MDH1B: variants seen among roughly 807,000 people sequenced by gnomAD.
The protein encoded by MDH1B is malate dehydrogenase 1B, also known as putative malate dehydrogenase 1B.
MDH1B carries 60 observed loss-of-function variants against 61.4 expected under a neutral mutation model. The ratio of observed to expected loss-of-function variants is 0.98; its 90% CI spans 0.79 to 1.21. The LOEUF (loss-of-function observed/expected upper bound fraction) is 1.21, where lower values mean the gene tolerates loss of function less well. MDH1B is among the 50% of genes most tolerant of loss of function. The probability of loss-of-function intolerance (pLI) is 0.00; values close to 1 mark genes in which losing one functional copy is unlikely to be tolerated. For synonymous variants in MDH1B, 236 were observed against 218.7 expected (o/e 1.08, Z -0.70); for missense variants, 587 against 632.1 (o/e 0.93, Z 0.76).
At chr2:206,749,281 T>A in intron 6 of MDH1B, 98 bp from the exon 7 acceptor site, 1 of 959,882 alleles carries the variant, frequency 1.0e-6, no homozygotes, top group South Asian at 1.8e-5. Context: ...AGAAACCTAA[T>A]CCACAGTCAA....
intron 9 of MDH1B, among the ~76,000 whole-genome samples, chr2:206,743,939 C>T (rs1687950016): frequency 6.6e-6 from 1 of 152,118 alleles, no homozygotes; most frequent in Non-Finnish European, 1.5e-5. Context: ...TGTATGCACT[C>T]CCCCTCAATA....
chr2:206,758,034 C>A (rs1177087799), intron 2 of MDH1B, among the ~76,000 whole-genome samples: 1 of 152,172 alleles, frequency 6.6e-6, no homozygotes, highest in Non-Finnish European at 1.5e-5. Flanking sequence ...ATCCTGGAAA[C>A]TGATTTCCTT....
chr2:206,738,296 C>T lies in MDH1B; in HGVS notation c.*187G>A, dbSNP rs1354619353. On this transcript the variant is annotated 3_prime_UTR_variant, in exon 12 of 12. Coordinates refer to ENST00000374412, the MANE Select transcript of MDH1B (RefSeq NM_001039845.3). ...ATTATGAAACAAACATGAGTGGATA[C>T]AAGTAATGCAAAATGACGGAACTCT... The T allele has an allele frequency of 4.7e-6, 2 of 426,344 alleles. No homozygotes were observed. The highest frequency in any genetic ancestry group is 8.4e-6 in the Non-Finnish European group (2 of 237,024). 26.4% of individuals were successfully genotyped at this position (426,344 alleles called of 1,614,324 possible). A position where few individuals can be genotyped will look rare whatever the true frequency, so the allele number is the denominator to read the frequency against.
At chr2:206,745,869 G>T (rs1232360138) in intron 8 of MDH1B, among the ~76,000 whole-genome samples, 196 bp from the exon 9 acceptor site, 2 of 151,706 alleles carry the variant, frequency 1.3e-5, no homozygotes. Context: ...GAGTAGCTGG[G>T]ATTATAGGCA....
intron 7 of MDH1B, 116 bp downstream of exon 7, chr2:206,748,904 G>T (rs1354794035): frequency 2.5e-6 from 2 of 799,170 alleles, no homozygotes; most frequent in East Asian, 5.1e-5. Flanking sequence ...AATTGTAAAA[G>T]TCCAGGCAGC....
Position 206,741,086 on chromosome 2 carries a change from G to C in MDH1B, c.1427C>G (p.Pro476Arg). The change falls in exon 10 of 12, where the codon CCT becomes CGT. Residue 476 changes from proline (P) to arginine (R), a missense_variant. Pro to Arg is a moderately radical substitution (Grantham distance 103, BLOSUM62 -2). Transcript: ENST00000374412. ...CATAGCTAGATTTTTTTCTTCATCA[G>C]GGACCAGATCTTTATGTCCTGAAAT... ...PYQSGHKDLV[P>R]DEEKNLAMSD... 6.2e-7 allele frequency: 1 copy of C among 1,612,704 alleles called. No homozygotes were observed. Among genetic ancestry groups the C allele is most frequent in the South Asian group, 1.1e-5 (1 of 91,052 alleles).
In MDH1B at chr2:206,757,018, C is replaced by T. The variant is rs538772437; in HGVS notation, c.293G>A (p.Ser98Asn). 5.0e-6 allele frequency: 8 copies of T among 1,613,512 alleles called. No homozygotes were observed. In the African/African-American group the frequency reaches 9.3e-5, roughly 19 times the overall value. Residue 98 changes from serine to asparagine, a missense_variant, in exon 4 of 12, where the codon AGC becomes AAC. Physicochemically the swap from Ser to Asn is conservative, Grantham distance 46. Transcript: ENST00000374412. ...HAQLYYDVTS[S>N]MTTELMMVIA... ...TACCATCATCAGTTCAGTCGTCATG[C>T]TAGAGGTGACATCATAGTAAAGCTA...
At chr2:206,744,449 G>A (rs1484882327) in intron 9 of MDH1B, among the ~76,000 whole-genome samples, 1 of 152,136 alleles carries the variant, frequency 6.6e-6, no homozygotes, top group Non-Finnish European at 1.5e-5. Context: ...ATTTCTACAT[G>A]TATATATCCA....
chr2:206,751,225 T>C lies in MDH1B; in HGVS notation c.911-150A>G, dbSNP rs970607274. The C allele has an allele frequency of 9.6e-5, 54 of 564,008 alleles. 1 individual carries two copies. Among genetic ancestry groups the C allele is most frequent in the Admixed American group, 1.4e-4 (4 of 28,944 alleles). The allele number at this position is 564,008 out of a possible 1,614,324, so 34.9% of individuals were successfully genotyped here. The stretch of plus-strand genomic sequence containing the variant: ...TCTAGGTTTATGATTCCTAAAATTG[T>C]GCAAATTGTGTGGATCACCTCCCTA... On this transcript the variant is annotated intron_variant, in intron 5 of 11. Transcript: ENST00000374412.
At chr2:206,739,807 C>G (rs1687706847) in intron 10 of MDH1B, 146 bp from the exon 11 acceptor site, 1 of 683,422 alleles carries the variant, frequency 1.5e-6, no homozygotes, top group Non-Finnish European at 2.5e-6. Context: ...TGCTAGACCA[C>G]TGTTATATAA....
At position 206,746,295 on chromosome 2, in the gene MDH1B, G is replaced by C. The variant is rs1395276818; in HGVS notation, c.1348C>G (p.Leu450Val). 1 of 1,613,080 alleles carries C rather than the reference G, an allele frequency of 6.2e-7. No homozygotes were observed. Among genetic ancestry groups the C allele is most frequent in the African/African-American group, 1.3e-5 (1 of 74,980 alleles). Reference sequence around the variant, plus strand: ...ATCTATTCTGACATTACCTGAATTAGATCACTTGTCATTCGGGTCATTATT... The same window carrying C: ...ATCTATTCTGACATTACCTGAATTACATCACTTGTCATTCGGGTCATTATT... ...EQIMTRMTSD[L>V]IQEKLVALGD... is the part of the protein sequence containing the mutation. The change falls in exon 8 of 12, where the codon CTA becomes GTA. Residue 450 changes from leucine (L) to valine (V), a missense_variant. By Grantham distance (32) the Leu-to-Val change is conservative (BLOSUM62 1). Transcript: ENST00000374412.
At chr2:206,757,541 T>C (rs1688835225) in intron 2 of MDH1B, among the ~76,000 whole-genome samples, 170 bp from the exon 3 acceptor site, 1 of 152,252 alleles carries the variant, frequency 6.6e-6, no homozygotes, top group African/African-American at 2.4e-5. Flanking sequence ...AAAATAGTGA[T>C]GTTAGTAACA....
Position 206,741,941 on chromosome 2 carries a change from A to T in MDH1B, c.1409-837T>A, listed in dbSNP as rs983832841. Among the ~76,000 whole-genome samples, 3 of 152,308 alleles carry T rather than the reference A, an allele frequency of 2.0e-5. No individual in the cohort carries two copies. In the East Asian group the frequency reaches 5.8e-4, roughly 29 times the overall value. On this transcript the variant is annotated intron_variant, in intron 9 of 11. Coordinates refer to ENST00000374412, the MANE Select transcript of MDH1B (RefSeq NM_001039845.3). ...CTTGGCATGAACTGTTTAATGAGTT[A>T]TGCAAAATAAATGAATTTGACACTC...
intron 10 of MDH1B, among the ~76,000 whole-genome samples, chr2:206,740,239 C>A (rs1463952913): frequency 2.0e-5 from 3 of 152,042 alleles, no homozygotes; most frequent in Non-Finnish European, 4.4e-5. Flanking sequence ...CCACTGTTGA[C>A]CAGAAGTCTT....
At chr2:206,753,704 T>C (rs1417920770) in intron 5 of MDH1B, among the ~76,000 whole-genome samples, 1 of 152,236 alleles carries the variant, frequency 6.6e-6, no homozygotes, top group Non-Finnish European at 1.5e-5. Context: ...ACAATTCTAC[T>C]TGGACTCTGT....
chr2:206,741,617 G>T (rs1042210870), intron 9 of MDH1B, among the ~76,000 whole-genome samples: 1 of 152,120 alleles, frequency 6.6e-6, no homozygotes, highest in Non-Finnish European at 1.5e-5. Context: ...ACTCAGACTG[G>T]CTCTCCTTGC....
chr2:206,741,442 C>A (rs1574619374), intron 9 of MDH1B: 2 of 331,648 alleles, frequency 6.0e-6, no homozygotes, highest in African/African-American at 4.3e-5. Context: ...GAAGACAGAC[C>A]CACCCTTAAT....
intron 9 of MDH1B, among the ~76,000 whole-genome samples, chr2:206,745,107 G>A (rs529787909): frequency 6.6e-6 from 1 of 152,180 alleles, no homozygotes; most frequent in South Asian, 2.1e-4. Context: ...GAGAAAGAGA[G>A]ACTTAGAAAC....
chr2:206,762,206 T>C (rs1689140002), intron 1 of MDH1B, among the ~76,000 whole-genome samples: 1 of 152,184 alleles, frequency 6.6e-6, no homozygotes, highest in Admixed American at 6.5e-5. Context: ...TCCAAATCTT[T>C]TCCTTCTCCC....
Sources: allele counts gnomAD v4.1 joint callset (sites outside exome capture counted in the v4.1 genomes callset), GRCh38; gene constraint gnomAD v4.1.1; transcripts MANE v1.5; gene names NCBI Gene and HGNC (gene_info 2026-07-23, HGNC 2026-07-21).